Variants in GLRA3 observed in about 807,000 individuals in gnomAD.
GLRA3 encodes the protein glycine receptor subunit alpha-3.
In GLRA3, 44 loss-of-function variants were observed where a neutral mutation model predicts 60.4. The observed-to-expected ratio is 0.73, with a 90% CI of 0.57 to 0.94. GLRA3 has a LOEUF of 0.94. GLRA3 is among the 40% of genes least tolerant of loss of function. GLRA3 has a pLI of 0.00. For synonymous variants in GLRA3, 223 were observed against 192.9 expected (o/e 1.16, Z -1.29); for missense variants, 508 against 564.6 (o/e 0.90, Z 1.02).
intron 2 of GLRA3, among the ~76,000 whole-genome samples, chr4:174,769,133 C>T (rs553630457): frequency 7.9e-5 from 12 of 152,034 alleles, no homozygotes; most frequent in Admixed American, 6.6e-4. Flanking sequence ...ATCAATTCTT[C>T]GGATATTTAC....
At chr4:174,693,046 T>C (rs1734920484) in intron 5 of GLRA3, among the ~76,000 whole-genome samples, 1 of 152,192 alleles carries the variant, frequency 6.6e-6, no homozygotes, top group African/African-American at 2.4e-5. Context: ...TCTTTATAGA[T>C]GTTGGGTTTT....
In GLRA3 at chr4:174,788,897, G is replaced by C; in HGVS notation, c.118C>G (p.Pro40Ala). 1 of 1,607,554 alleles carries C rather than the reference G, an allele frequency of 6.2e-7. No homozygotes were observed. Residue 40 changes from proline to alanine, a missense_variant, in exon 2 of 10, where the codon CCA (proline) becomes GCA (alanine). Pro to Ala is a conservative substitution (Grantham distance 27, BLOSUM62 -1). Transcript: ENST00000274093. ...ETDSARSRSA[P>A]MSPSDFLDKL... Reference sequence around the variant, plus strand: ...TCCAGAAAATCAGAAGGTGACATTGGAGCACTTCGAGATCTTGCACTGTCT... The same window carrying C: ...TCCAGAAAATCAGAAGGTGACATTGCAGCACTTCGAGATCTTGCACTGTCT...
intron 6 of GLRA3, among the ~76,000 whole-genome samples, chr4:174,682,458 G>A (rs1204968952): frequency 6.6e-6 from 1 of 152,078 alleles, no homozygotes; most frequent in Admixed American, 6.6e-5. Flanking sequence ...GTTCTTAACA[G>A]ATACAGTGTT....
At chr4:174,763,186 A>G (rs1738001939) in intron 3 of GLRA3, among the ~76,000 whole-genome samples, 1 of 152,192 alleles carries the variant, frequency 6.6e-6, no homozygotes, top group African/African-American at 2.4e-5. Context: ...CAGGTCACAA[A>G]GCTCCTGCTC....
At chr4:174,732,786 T>TAC (rs1736605545) in intron 3 of GLRA3, among the ~76,000 whole-genome samples, 1 of 151,936 alleles carries the variant, frequency 6.6e-6, no homozygotes, top group African/African-American at 2.4e-5. Flanking sequence ...TCTATATATA[T>TAC]ATATATTTAT....
chr4:174,657,608 G>A (rs1432727715), intron 8 of GLRA3, among the ~76,000 whole-genome samples: 3 of 151,970 alleles, frequency 2.0e-5, no homozygotes, highest in Non-Finnish European at 2.9e-5. Context: ...TTGTTCAACC[G>A]GTGCCAGTTA....
chr4:174,736,637 A>G (rs1161307197), intron 3 of GLRA3, among the ~76,000 whole-genome samples: 1 of 152,240 alleles, frequency 6.6e-6, no homozygotes, highest in East Asian at 1.9e-4. Flanking sequence ...GGTACATTTA[A>G]GAACACAGAG....
chr4:174,781,575 A>G (rs879541127), intron 2 of GLRA3, among the ~76,000 whole-genome samples: 1,582 of 149,264 alleles, frequency 0.011, 15 homozygotes, highest in Non-Finnish European at 0.016. Flanking sequence ...TAGCAAGACT[A>G]ATAAAGAAAA....
At chr4:174,711,577 C>G (rs1169458713) in intron 5 of GLRA3, among the ~76,000 whole-genome samples, 1 of 151,794 alleles carries the variant, frequency 6.6e-6, no homozygotes, top group East Asian at 1.9e-4. Context: ...GCAGCTGGGA[C>G]TACAGGCAAG....
At chr4:174,813,906 C>T (rs1037497421) in intron 1 of GLRA3, among the ~76,000 whole-genome samples, 20 of 152,114 alleles carry the variant, frequency 1.3e-4, no homozygotes, top group Admixed American at 6.6e-4. Flanking sequence ...GATGCCTTGG[C>T]GGGACTCACA....
chr4:174,790,371 A>G (rs915144130), intron 1 of GLRA3, among the ~76,000 whole-genome samples: 5 of 150,384 alleles, frequency 3.3e-5, no homozygotes, highest in Admixed American at 1.3e-4. Context: ...AAATCATTAT[A>G]ATAATAAATA....
At chr4:174,710,735 T>G (rs1237291991) in intron 5 of GLRA3, among the ~76,000 whole-genome samples, 1 of 152,128 alleles carries the variant, frequency 6.6e-6, no homozygotes, top group Admixed American at 6.5e-5. Context: ...GCTGGCATAC[T>G]ACGATTATTT....
chr4:174,683,400 G>T, intron 5 of GLRA3, among the ~76,000 whole-genome samples: 1 of 152,100 alleles, frequency 6.6e-6, no homozygotes, highest in East Asian at 1.9e-4. Context: ...ACCCAGGCTG[G>T]AGTGCAGTGG....
intron 9 of GLRA3, among the ~76,000 whole-genome samples, chr4:174,646,613 C>G (rs1245066371): frequency 6.6e-6 from 1 of 152,144 alleles, no homozygotes; most frequent in Non-Finnish European, 1.5e-5. Context: ...TGTGTGAAGG[C>G]AATCATAAAC....
chr4:174,816,568 TA>T (rs1410866099), intron 1 of GLRA3, among the ~76,000 whole-genome samples: 1 of 152,166 alleles, frequency 6.6e-6, no homozygotes, highest in Non-Finnish European at 1.5e-5. Context: ...ACTAAAAGAA[TA>T]AATATGATTA....
intron 3 of GLRA3, among the ~76,000 whole-genome samples, chr4:174,740,668 T>C (rs576924350): frequency 6.6e-6 from 1 of 152,352 alleles, no homozygotes; most frequent in Non-Finnish European, 1.5e-5. Flanking sequence ...TACAGATCTG[T>C]ACCAAATGCA....
At chr4:174,767,558 G>C (rs1236598266) in intron 2 of GLRA3, among the ~76,000 whole-genome samples, 1 of 152,100 alleles carries the variant, frequency 6.6e-6, no homozygotes, top group African/African-American at 2.4e-5. Flanking sequence ...ATATGGTAAA[G>C]TTTTCATTTC....
intron 6 of GLRA3, 120 bp from the exon 7 acceptor site, chr4:174,677,412 T>A: frequency 1.6e-6 from 1 of 631,612 alleles, no homozygotes; most frequent in Non-Finnish European, 2.8e-6. Flanking sequence ...CAGGCTGGAG[T>A]GAAGTGGCAT....
At position 174,639,706 on chromosome 4, in the gene GLRA3, T is replaced by C. The variant is rs773649160; in HGVS notation, c.*4080A>G. 1 of 152,132 alleles carries C rather than the reference T, an allele frequency of 6.6e-6. No individual in the cohort carries two copies. Among genetic ancestry groups the C allele is most frequent in the Non-Finnish European group, 1.5e-5 (1 of 67,988 alleles). 9.4% of individuals were successfully genotyped at this position (152,132 alleles called of 1,614,324 possible). On this transcript the variant is annotated 3_prime_UTR_variant, in exon 10 of 10. Coordinates refer to ENST00000274093, the MANE Select transcript of GLRA3 (RefSeq NM_006529.4). Reference sequence around the variant, plus strand: ...CTCCCTATGGAAGTTCACTTTTTAATATCACTATGTTTGTAAAGAGGAATG... The same window carrying C: ...CTCCCTATGGAAGTTCACTTTTTAACATCACTATGTTTGTAAAGAGGAATG...
Sources: allele counts gnomAD v4.1 joint callset (sites outside exome capture counted in the v4.1 genomes callset), GRCh38; gene constraint gnomAD v4.1.1; transcripts MANE v1.5; gene names NCBI Gene and HGNC (gene_info 2026-07-23, HGNC 2026-07-21).